Variants in TTL observed in about 807,000 individuals in gnomAD.
TTL encodes the protein tubulin--tyrosine ligase.
In TTL, 10 loss-of-function variants were observed where a neutral mutation model predicts 41.1. That is an observed-to-expected ratio of 0.24 (90% CI 0.15 to 0.41). The LOEUF (loss-of-function observed/expected upper bound fraction) is 0.41. TTL is among the 10% of genes least tolerant of loss of function. The pLI is 1.00. For missense variants in TTL, 367 were observed against 460.4 expected (o/e 0.80, Z 1.86); for synonymous variants, 175 against 175.5 (o/e 1.00, Z 0.02).
rs914701488 is a variant in TTL, at chr2:112,538,613, A to G, written c.*9818A>G. On this transcript the variant is annotated 3_prime_UTR_variant, in exon 7 of 7. Coordinates refer to ENST00000233336, the MANE Select transcript of TTL (RefSeq NM_153712.5). ...GGCAACATGATTAAATCTGGTCTCT[A>G]TAAAAAATACAAGAATTAGCCAGGC... is the stretch of plus-strand genomic sequence containing the variant. 5.9e-5 allele frequency: 9 copies of G among 152,150 alleles called. No individual in the cohort carries two copies. Among genetic ancestry groups the G allele is most frequent in the African/African-American group, 2.2e-4 (9 of 41,410 alleles). The allele number at this position is 152,150 out of a possible 1,614,324, so 9.4% of individuals were successfully genotyped here.
intron 2 of TTL, among the ~76,000 whole-genome samples, chr2:112,490,200 G>A (rs1478740968): frequency 1.3e-5 from 2 of 152,160 alleles, no homozygotes; most frequent in Non-Finnish European, 2.9e-5. Context: ...TGCATCATTT[G>A]AGGTCAGGAG....
chr2:112,530,825 TAAGAA>T lies in TTL; in HGVS notation c.*2038_*2042del, dbSNP rs1224696618. 5.3e-6 allele frequency: 1 copy of T among 190,158 alleles called. No individual in the cohort carries two copies. The highest frequency in any genetic ancestry group is 1.1e-5 in the Non-Finnish European group (1 of 90,630). The allele number at this position is 190,158 out of a possible 1,614,324, so 11.8% of individuals were successfully genotyped here. On this transcript the variant is annotated 3_prime_UTR_variant, in exon 7 of 7. Coordinates refer to ENST00000233336, the MANE Select transcript of TTL (RefSeq NM_153712.5). ...ATATATAAGAGGGAAGTAAGACTTT[TAAGAA>T]AAGAAAAAGTTATGCCTCATTCCTC...
chr2:112,502,176 T>G (rs934498705), intron 4 of TTL, among the ~76,000 whole-genome samples: 1 of 152,212 alleles, frequency 6.6e-6, no homozygotes, highest in Non-Finnish European at 1.5e-5. Flanking sequence ...ACCCTTGGCC[T>G]TGCTGTCAGC....
rs1369174438 is a variant in TTL at position 112,530,916 on chromosome 2, T to A, written c.*2121T>A. 1 of 177,822 alleles carries A rather than the reference T, an allele frequency of 5.6e-6. No homozygotes were observed. The highest frequency in any genetic ancestry group is 2.4e-5 in the African/African-American group (1 of 42,272). 11.0% of individuals were successfully genotyped at this position (177,822 alleles called of 1,614,324 possible). A position where few individuals can be genotyped will look rare whatever the true frequency, so the allele number is the denominator to read the frequency against. Reference sequence around the variant, plus strand: ...CCTTTTTAAAAAATATTTTTTAAATTTTTAAAATTTGATTTTAAATTTCAA... The same window carrying A: ...CCTTTTTAAAAAATATTTTTTAAATATTTAAAATTTGATTTTAAATTTCAA... On this transcript the variant is annotated 3_prime_UTR_variant, in exon 7 of 7. Transcript: ENST00000233336.
At chr2:112,511,050 C>T (rs1350529256) in intron 5 of TTL, among the ~76,000 whole-genome samples, 2 of 151,754 alleles carry the variant, frequency 1.3e-5, no homozygotes, top group Non-Finnish European at 2.9e-5. Context: ...CAAGGTCTTA[C>T]TTTGTTTCCC....
chr2:112,497,052 C>T (rs1681553125), intron 3 of TTL, among the ~76,000 whole-genome samples: 1 of 151,796 alleles, frequency 6.6e-6, no homozygotes, highest in Non-Finnish European at 1.5e-5. Context: ...GATCTCCTGA[C>T]CTCGTGATCC....
chr2:112,500,168 T>C (rs1232953796), intron 3 of TTL, among the ~76,000 whole-genome samples: 1 of 152,052 alleles, frequency 6.6e-6, no homozygotes, highest in African/African-American at 2.4e-5. Flanking sequence ...CATCCATAGA[T>C]ACAGAAAGTA....
Position 112,537,607 on chromosome 2 carries a change from C to T in TTL, c.*8812C>T, listed in dbSNP as rs987014773. 2.6e-5 allele frequency: 4 copies of T among 152,174 alleles called. No homozygotes were observed. The highest frequency in any genetic ancestry group is 5.9e-5 in the Non-Finnish European group (4 of 68,038). 9.4% of individuals were successfully genotyped at this position (152,174 alleles called of 1,614,324 possible). A position where few individuals can be genotyped will look rare whatever the true frequency, so the allele number is the denominator to read the frequency against. ...TGATTAGTGATGATGAACATTGTCT[C>T]ATATGTTTCTTGGCCACTTGTATGC... On this transcript the variant is annotated 3_prime_UTR_variant, in exon 7 of 7. Transcript: ENST00000233336.
Position 112,494,159 on chromosome 2 carries a change from C to A in TTL, c.253C>A (p.Pro85Thr). The change falls in exon 3 of 7, where the codon CCT (proline) becomes ACT (threonine). Residue 85 changes from proline (P) to threonine (T), a missense_variant. Physicochemically the swap from Pro to Thr is conservative, Grantham distance 38 (BLOSUM62 -1). Coordinates refer to ENST00000233336, the MANE Select transcript of TTL (RefSeq NM_153712.5). ...ASLVKLIKTSPELAESCTWFP... is the reference protein window; with the variant it reads ...ASLVKLIKTSTELAESCTWFP... ...ATCTGCCAGGCTAATCAAGACAAGC[C>A]CTGAACTGGCTGAGTCCTGCACATG... is the stretch of plus-strand genomic sequence containing the variant. 1.2e-6 allele frequency: 2 copies of A among 1,614,076 alleles called. No individual in the cohort carries two copies. Among genetic ancestry groups the A allele is most frequent in the South Asian group, 2.2e-5 (2 of 91,074 alleles).
Position 112,530,992 on chromosome 2 carries a change from G to A in TTL, c.*2197G>A, listed in dbSNP as rs555830616. ...ATTTTAAATAAAATTTTACAGAGAC[G>A]TGGTCTCACTGTGTTGCCCAGGCTG... is the stretch of plus-strand genomic sequence containing the variant. On this transcript the variant is annotated 3_prime_UTR_variant, in exon 7 of 7. Coordinates refer to ENST00000233336, the MANE Select transcript of TTL (RefSeq NM_153712.5). 2.7e-5 allele frequency: 5 copies of A among 184,804 alleles called. No homozygotes were observed. Among genetic ancestry groups the A allele is most frequent in the Admixed American group, 6.3e-5 (1 of 15,990 alleles). 11.4% of individuals were successfully genotyped at this position (184,804 alleles called of 1,614,324 possible).
chr2:112,523,342 G>C (rs1488462725), intron 6 of TTL, among the ~76,000 whole-genome samples: 1 of 44,278 alleles, frequency 2.3e-5, no homozygotes, highest in Non-Finnish European at 4.8e-5. Context: ...CTGTGGGTGT[G>C]TGTGTGTCTG....
In TTL at chr2:112,528,537, C is replaced by T. The variant is rs1243000571; in HGVS notation, c.1020-144C>T. 1.2e-4 allele frequency: 75 copies of T among 642,302 alleles called. No individual in the cohort carries two copies. In the Admixed American group the frequency reaches 2.0e-3, roughly 17 times the overall value. 39.8% of individuals were successfully genotyped at this position (642,302 alleles called of 1,614,324 possible). A position where few individuals can be genotyped will look rare whatever the true frequency, so the allele number is the denominator to read the frequency against. Reference sequence around the variant, plus strand: ...ATCCCTTGAGCCCAGGAATTTGAGGCTGCAGTGTATGTACCATGATCGCAC... The same window carrying T: ...ATCCCTTGAGCCCAGGAATTTGAGGTTGCAGTGTATGTACCATGATCGCAC... On this transcript the variant is annotated intron_variant, in intron 6 of 6. Transcript: ENST00000233336.
chr2:112,499,487 C>T (rs1389575199), intron 3 of TTL, among the ~76,000 whole-genome samples: 2 of 152,084 alleles, frequency 1.3e-5, no homozygotes, highest in Non-Finnish European at 2.9e-5. Flanking sequence ...TCAACATAAG[C>T]TTCACACCTC....
chr2:112,482,352 C>T lies in TTL; in HGVS notation c.8C>T (p.Thr3Ile). Reference protein sequence around the residue: MYTFVVRDENSSV... With the variant: MYIFVVRDENSSV... ...GGCGCGCGGCGCTTCGCCATGTACA[C>T]CTTCGTGGTACGCGATGAGAACAGC... is the stretch of plus-strand genomic sequence containing the variant. Residue 3 changes from threonine (T) to isoleucine (I), a missense_variant, in exon 1 of 7, where the codon ACC becomes ATC. Thr to Ile is a moderately conservative substitution (Grantham distance 89). Coordinates refer to ENST00000233336, the MANE Select transcript of TTL (RefSeq NM_153712.5). The surrounding 1 kb of genome is among the most constrained non-coding windows in gnomAD (Gnocchi z 5.3). The T allele has an allele frequency of 6.4e-7, 1 of 1,555,952 alleles. No homozygotes were observed. The highest frequency in any genetic ancestry group is 8.7e-7 in the Non-Finnish European group (1 of 1,150,836).
At chr2:112,489,434 T>C (rs377541059) in intron 2 of TTL, among the ~76,000 whole-genome samples, 1 of 152,222 alleles carries the variant, frequency 6.6e-6, no homozygotes, top group East Asian at 1.9e-4. Context: ...CTAGTTCATC[T>C]TTTCTAGAAG....
rs1681740037 is a variant in TTL, at chr2:112,502,892, G to T, written c.606-20G>T. The T allele has an allele frequency of 6.3e-7, 1 of 1,594,400 alleles. No individual in the cohort carries two copies. The highest frequency in any genetic ancestry group is 8.6e-7 in the Non-Finnish European group (1 of 1,169,400). On this transcript the variant is annotated intron_variant, in intron 4 of 6. Coordinates refer to ENST00000233336, the MANE Select transcript of TTL (RefSeq NM_153712.5). The stretch of plus-strand genomic sequence containing the variant: ...AACTTTGGATGACTTGAGTAAAGCA[G>T]TGTTTTTGTTGAATTGCAGAAGCTG...
chr2:112,520,235 C>T, intron 5 of TTL, 47 bp from the exon 6 acceptor site: 4 of 1,606,374 alleles, frequency 2.5e-6, no homozygotes, highest in South Asian at 2.2e-5. Context: ...TCTTCCTTCT[C>T]CTTTGACCAC....
chr2:112,484,046 G>A lies in TTL; in HGVS notation c.157+1545G>A, dbSNP rs1681166608. The A allele has an allele frequency of 2.6e-5, 4 of 152,212 alleles. No homozygotes were observed. In the South Asian group the frequency reaches 8.3e-4, roughly 32 times the overall value. 9.4% of individuals were successfully genotyped at this position (152,212 alleles called of 1,614,324 possible). On this transcript the variant is annotated intron_variant, in intron 1 of 6. Transcript: ENST00000233336. ...TTCTTGGCAGTGCCTAGCTGTGAAA[G>A]CTTAGGTGGAATCATAACATTAAAA... is the stretch of plus-strand genomic sequence containing the variant.
rs1036851663 is a variant in TTL at position 112,541,130 on chromosome 2, AC to A, written c.*12338del. 2.6e-5 allele frequency: 4 copies of A among 152,180 alleles called. No individual in the cohort carries two copies. Among genetic ancestry groups the A allele is most frequent in the African/African-American group, 9.7e-5 (4 of 41,430 alleles). The allele number at this position is 152,180 out of a possible 1,614,324, so 9.4% of individuals were successfully genotyped here. ...TACCTCATAAATATGCTAATTATGTACCCATAAATTTTTTTTTAAATCCTCA... is the reference window on the plus strand; with the variant it reads ...TACCTCATAAATATGCTAATTATGTACCATAAATTTTTTTTTAAATCCTCA... On this transcript the variant is annotated 3_prime_UTR_variant, in exon 7 of 7. Coordinates refer to ENST00000233336, the MANE Select transcript of TTL (RefSeq NM_153712.5).
Sources: gnomAD v4.1 joint callset for allele counts (sites outside exome capture counted in the v4.1 genomes callset) on GRCh38, gnomAD v4.1.1 for gene constraint, Gnocchi (gnomAD v3.1) non-coding constraint, MANE v1.5 for transcripts, NCBI Gene and HGNC (gene_info 2026-07-23, HGNC 2026-07-21) for gene names.